The following AXDND1 variants were observed in gnomAD, a reference collection of about 807,000 sequenced individuals.
AXDND1 encodes axonemal dynein light chain domain-containing protein 1.
A neutral mutation model predicts 137.5 loss-of-function variants in AXDND1; 110 were observed. The observed-to-expected ratio is 0.80, with a 90% confidence interval of 0.69 to 0.94. The LOEUF (loss-of-function observed/expected upper bound fraction) is 0.94, where lower values mean the gene tolerates loss of function less well. Among genes scored for constraint, AXDND1 ranks in the 40% least tolerant of loss-of-function variants. The pLI is 0.00. For missense variants in AXDND1, 1,191 were observed against 1,169.8 expected, an observed-to-expected ratio of 1.02 and a Z score of -0.26; for synonymous variants, 414 against 399.7, an observed-to-expected ratio of 1.04 and a Z score of -0.43.
At chr1:179,428,534 G>T (rs188052772) in intron 12 of AXDND1, among the ~76,000 whole-genome samples, 20 of 152,378 alleles carry the variant, frequency 1.3e-4, no homozygotes, top group Admixed American at 5.9e-4. Context: ...GACCCCTTGT[G>T]GGGGGCAGGA....
chr1:179,421,709 C>G (rs1476562338), intron 12 of AXDND1, among the ~76,000 whole-genome samples: 1 of 151,906 alleles, frequency 6.6e-6, no homozygotes, highest in African/African-American at 2.4e-5. Context: ...TTTAGTCTAG[C>G]TAAAGCTTTA....
chr1:179,480,652 TTTTG>T lies in AXDND1; in HGVS notation c.1998-2473_1998-2470del, dbSNP rs1464635740. On this transcript the variant is annotated intron_variant, in intron 17 of 25. Coordinates refer to ENST00000367618, the MANE Select transcript of AXDND1 (RefSeq NM_144696.6). ...TCTTATCATGCCTTGTAAGGTTTCTTTTTGTTGTTGTTGTTTTTGGTTTTTGGAT... is the reference window on the plus strand; with the variant it reads ...TCTTATCATGCCTTGTAAGGTTTCTTTTGTTGTTGTTTTTGGTTTTTGGAT... Among the ~76,000 whole-genome samples the T allele has an allele frequency of 2.0e-5, 3 of 152,164 alleles. No homozygotes were observed. The East Asian group carries it at 5.8e-4, about 29-fold the overall frequency.
intron 18 of AXDND1, among the ~76,000 whole-genome samples, chr1:179,485,779 G>A (rs1328622887): frequency 1.3e-5 from 2 of 152,014 alleles, no homozygotes; most frequent in Non-Finnish European, 2.9e-5. Context: ...AAGAATCTAA[G>A]GATTACAATA....
chr1:179,405,726 G>A (rs964752809), intron 11 of AXDND1, among the ~76,000 whole-genome samples: 1 of 146,494 alleles, frequency 6.8e-6, no homozygotes, highest in Non-Finnish European at 1.5e-5. Context: ...TTGTTTGTTT[G>A]TTTCTGATTT....
At chr1:179,392,621 A>T (rs1439042546) in intron 9 of AXDND1, among the ~76,000 whole-genome samples, 1 of 152,200 alleles carries the variant, frequency 6.6e-6, no homozygotes, top group Non-Finnish European at 1.5e-5. Flanking sequence ...TTTTCACCAC[A>T]TCCAAGCTGA....
intron 14 of AXDND1, 61 bp downstream of exon 14, chr1:179,430,667 C>A (rs186256468): frequency 1.5e-5 from 22 of 1,506,758 alleles, no homozygotes; most frequent in Non-Finnish European, 1.9e-5. Flanking sequence ...CAGTCAAATT[C>A]TCTGTGTTCC....
intron 16 of AXDND1, chr1:179,454,732 G>A (rs1261652254): frequency 6.6e-6 from 1 of 152,164 alleles, no homozygotes; most frequent in Non-Finnish European, 1.5e-5. Flanking sequence ...CTTTCGAGTA[G>A]CTATGGCACA....
chr1:179,394,473 C>T (rs12743213), intron 10 of AXDND1, among the ~76,000 whole-genome samples: 44,030 of 151,570 alleles, frequency 0.29, 6,595 homozygotes, highest in Non-Finnish European at 0.31. Flanking sequence ...GCCTATAATC[C>T]CAACTACTGG....
intron 25 of AXDND1, among the ~76,000 whole-genome samples, chr1:179,547,077 A>C (rs1173451903): frequency 6.6e-6 from 1 of 152,198 alleles, no homozygotes; most frequent in East Asian, 1.9e-4. Context: ...CAGGCCCCAA[A>C]GCTCTAGATC....
At chr1:179,515,729 CA>C (rs1018177300) in intron 21 of AXDND1, among the ~76,000 whole-genome samples, 1 of 151,708 alleles carries the variant, frequency 6.6e-6, no homozygotes, top group Non-Finnish European at 1.5e-5. Flanking sequence ...TTTTAATCCA[CA>C]AAAAAATTAT....
intron 9 of AXDND1, among the ~76,000 whole-genome samples, chr1:179,387,509 C>T (rs1022827081): frequency 6.6e-6 from 1 of 152,202 alleles, no homozygotes; most frequent in Non-Finnish European, 1.5e-5. Context: ...TAAATTTCAA[C>T]ACTAGTTATG....
chr1:179,524,519 A>G (rs969872790), intron 21 of AXDND1, among the ~76,000 whole-genome samples: 4 of 151,946 alleles, frequency 2.6e-5, no homozygotes, highest in Non-Finnish European at 5.9e-5. Context: ...ATCTGAACTC[A>G]TCTCTCTCTC....
chr1:179,551,795 AC>A (rs1219678333), intron 25 of AXDND1: 3 of 298,218 alleles, frequency 1.0e-5, no homozygotes, highest in Non-Finnish European at 1.3e-5. Context: ...TGAAAGGGTG[AC>A]CCCCAACTCA....
intron 15 of AXDND1, among the ~76,000 whole-genome samples, chr1:179,432,674 C>T (rs771155539): frequency 2.3e-4 from 35 of 152,202 alleles, no homozygotes; most frequent in Admixed American, 5.9e-4. Context: ...GATCCACCCA[C>T]CTCGGCCTCC....
intron 12 of AXDND1, among the ~76,000 whole-genome samples, chr1:179,415,211 G>C (rs766884850): frequency 1.3e-5 from 2 of 152,108 alleles, no homozygotes; most frequent in East Asian, 3.9e-4. Context: ...GCATATTGGC[G>C]GGTGTCTGTA....
intron 12 of AXDND1, among the ~76,000 whole-genome samples, chr1:179,420,945 A>G (rs1379862623): frequency 6.6e-6 from 1 of 152,070 alleles, no homozygotes; most frequent in Admixed American, 6.6e-5. Flanking sequence ...TTGTTCATGC[A>G]TAGTTGTTTG....
At chr1:179,441,154 A>G (rs4651030) in intron 15 of AXDND1, among the ~76,000 whole-genome samples, 53,708 of 151,930 alleles carry the variant, frequency 0.35, 9,621 homozygotes, top group Middle Eastern at 0.44. Flanking sequence ...GTTACCCGGC[A>G]GGAGAGTGCC....
At chr1:179,483,687 T>C (rs1296976581) in intron 18 of AXDND1, among the ~76,000 whole-genome samples, 2 of 152,242 alleles carry the variant, frequency 1.3e-5, no homozygotes, top group Admixed American at 1.3e-4. Context: ...TGAAATCATA[T>C]GCTCAATTTG....
At chr1:179,515,826 A>G (rs1669484512) in intron 21 of AXDND1, among the ~76,000 whole-genome samples, 1 of 152,220 alleles carries the variant, frequency 6.6e-6, no homozygotes, top group African/African-American at 2.4e-5. Flanking sequence ...ACAGTCATGC[A>G]CTGCATAAGG....
Sources: gnomAD v4.1 joint callset for allele counts (sites outside exome capture counted in the v4.1 genomes callset) on GRCh38, gnomAD v4.1.1 for gene constraint, MANE v1.5 for transcripts, NCBI Gene and HGNC (gene_info 2026-07-23, HGNC 2026-07-21) for gene names.